Variants in DNAH6 observed in about 807,000 individuals in gnomAD.
DNAH6 encodes the protein axonemal beta dynein heavy chain 6.
DNAH6 carries 340 observed loss-of-function variants against 491.4 expected under a neutral mutation model. That is an observed-to-expected ratio of 0.69 (90% CI 0.63 to 0.76). The LOEUF (loss-of-function observed/expected upper bound fraction) is 0.76. Among genes scored for constraint, DNAH6 ranks in the 30% least tolerant of loss-of-function variants. The pLI, the probability that DNAH6 is intolerant of heterozygous loss-of-function variation, is 0.00. For missense variants in DNAH6, 4,443 were observed against 4,972.2 expected, an observed-to-expected ratio of 0.89 and a Z score of 3.20; for synonymous variants, 1,603 against 1,686.1, an observed-to-expected ratio of 0.95 and a Z score of 1.21.
In DNAH6 at chr2:84,694,481, G is replaced by C; in HGVS notation, c.7524+1G>C. The C allele has an allele frequency of 6.5e-7, 1 of 1,550,336 alleles. No homozygotes were observed. Among genetic ancestry groups the C allele is most frequent in the Non-Finnish European group, 8.7e-7 (1 of 1,145,706 alleles). On this transcript the variant is annotated splice_donor_variant, in intron 46 of 76. Transcript: ENST00000389394. LOFTEE classifies it high-confidence loss of function. ...GGTTTTCCTTTTCACTGACACCCAG[G>C]TGTGTGTTTAAATAGCCCATGGGTG...
chr2:84,624,231 G>C, intron 26 of DNAH6, 34 bp from the exon 27 acceptor site: 1 of 1,516,230 alleles, frequency 6.6e-7, no homozygotes, highest in Non-Finnish European at 8.8e-7. Context: ...GCTGATATTG[G>C]AAAATTCACC....
intron 22 of DNAH6, among the ~76,000 whole-genome samples, chr2:84,612,055 T>A (rs569340633): frequency 1.3e-5 from 2 of 152,188 alleles, no homozygotes; most frequent in South Asian, 2.1e-4. Flanking sequence ...GGACTTTTTT[T>A]TATTATTATT....
intron 66 of DNAH6, among the ~76,000 whole-genome samples, chr2:84,785,147 A>T (rs1329678175): frequency 6.6e-6 from 1 of 152,214 alleles, no homozygotes; most frequent in Non-Finnish European, 1.5e-5. Flanking sequence ...CCATACTAGT[A>T]TGGCTGCTGG....
At chr2:84,599,029 C>CAAA (rs35322585) in intron 18 of DNAH6, among the ~76,000 whole-genome samples, 25 of 118,234 alleles carry the variant, frequency 2.1e-4, no homozygotes, top group African/African-American at 7.2e-4. Context: ...GACTCAGTTT[C>CAAA]AAAAAAAAAA....
intron 61 of DNAH6, among the ~76,000 whole-genome samples, chr2:84,731,282 G>A (rs997072027): frequency 9.9e-5 from 15 of 152,166 alleles, no homozygotes; most frequent in Non-Finnish European, 1.9e-4. Context: ...CAAGACAGCA[G>A]CATTTCTCAT....
At chr2:84,693,557 G>A (rs549836924) in intron 45 of DNAH6, among the ~76,000 whole-genome samples, 1 of 151,924 alleles carries the variant, frequency 6.6e-6, no homozygotes, top group South Asian at 2.1e-4. Flanking sequence ...TCCTGGCTAA[G>A]ACGGTGAAAC....
chr2:84,668,547 T>C (rs1456516612), intron 37 of DNAH6, among the ~76,000 whole-genome samples: 1 of 152,156 alleles, frequency 6.6e-6, no homozygotes, highest in African/African-American at 2.4e-5. Context: ...TTGATCCATC[T>C]GTATTTCCAG....
At chr2:84,680,834 A>C (rs1395997984) in intron 41 of DNAH6, among the ~76,000 whole-genome samples, 1 of 152,202 alleles carries the variant, frequency 6.6e-6, no homozygotes, top group Non-Finnish European at 1.5e-5. Flanking sequence ...TTTGCAGGAC[A>C]GAAAATGGGA....
Position 84,737,098 on chromosome 2 carries a change from G to T in DNAH6, c.10342+3519G>T, listed in dbSNP as rs554400429. Among the ~76,000 whole-genome samples, 8 of 152,118 alleles carry T rather than the reference G, an allele frequency of 5.3e-5. No homozygotes were observed. In the East Asian group the frequency reaches 1.5e-3, roughly 29 times the overall value. On this transcript the variant is annotated intron_variant, in intron 62 of 76. Coordinates refer to ENST00000389394, the MANE Select transcript of DNAH6 (RefSeq NM_001370.2). Reference sequence around the variant, plus strand: ...CTATTGAGGTGATCATATGGTTTTTGATTTTAGTCCTGTTTATGAGGTGAA... The same window carrying T: ...CTATTGAGGTGATCATATGGTTTTTTATTTTAGTCCTGTTTATGAGGTGAA...
At chr2:84,802,750 G>T (rs1234375820) in intron 70 of DNAH6, among the ~76,000 whole-genome samples, 1 of 152,068 alleles carries the variant, frequency 6.6e-6, no homozygotes, top group African/African-American at 2.4e-5. Context: ...AATAACCAAA[G>T]AATATACAGT....
chr2:84,691,960 C>G (rs1694903778), intron 45 of DNAH6, among the ~76,000 whole-genome samples: 2 of 152,184 alleles, frequency 1.3e-5, no homozygotes, highest in African/African-American at 4.8e-5. Flanking sequence ...GTCTGAGGAG[C>G]AGGAGAGGGT....
At chr2:84,511,214 G>A in the DNAH6 span, among the ~76,000 whole-genome samples, 9 of 152,174 alleles carry the variant, frequency 5.9e-5, no homozygotes, top group Non-Finnish European at 1.5e-5. Flanking sequence ...ACTGCGGTGG[G>A]CTCCACCCAG....
chr2:84,684,416 T>A (rs1399433692), intron 42 of DNAH6, among the ~76,000 whole-genome samples: 1 of 152,246 alleles, frequency 6.6e-6, no homozygotes, highest in East Asian at 1.9e-4. Flanking sequence ...AATTCCAATG[T>A]TGAATCTCTT....
the DNAH6 span, among the ~76,000 whole-genome samples, chr2:84,510,723 T>G: frequency 2.0e-5 from 3 of 152,168 alleles, no homozygotes; most frequent in Non-Finnish European, 4.4e-5. Flanking sequence ...CTTTGGTCTT[T>G]GATGATGGTG....
the DNAH6 span, among the ~76,000 whole-genome samples, chr2:84,492,631 G>A: frequency 1.3e-5 from 2 of 152,038 alleles, no homozygotes; most frequent in African/African-American, 4.8e-5. Context: ...GGGGTTTTAA[G>A]AAGAAATAAA....
chr2:84,575,816 G>A (rs747201340), intron 12 of DNAH6, among the ~76,000 whole-genome samples: 33 of 152,116 alleles, frequency 2.2e-4, no homozygotes, highest in Admixed American at 1.3e-4. Context: ...CCCAGGAGGC[G>A]GAGCTTGCAG....
chr2:84,664,622 G>C (rs1165134426), intron 37 of DNAH6, among the ~76,000 whole-genome samples: 2 of 152,126 alleles, frequency 1.3e-5, no homozygotes, highest in East Asian at 3.8e-4. Context: ...CCTACAAAGA[G>C]ACTTAGACTC....
chr2:84,525,806 C>CTT, intron 3 of DNAH6, 68 bp downstream of exon 3: 1 of 1,133,012 alleles, frequency 8.8e-7, no homozygotes, highest in Non-Finnish European at 1.2e-6. Context: ...TGCTAGCATA[C>CTT]TTTTAACTCA....
At chr2:84,811,197 C>G (rs1679932878) in intron 72 of DNAH6, among the ~76,000 whole-genome samples, 1 of 152,202 alleles carries the variant, frequency 6.6e-6, no homozygotes, top group African/African-American at 2.4e-5. Context: ...AATGGAAGGA[C>G]ACGTAGCCTT....
Sources: allele counts gnomAD v4.1 joint callset (sites outside exome capture counted in the v4.1 genomes callset), GRCh38; gene constraint gnomAD v4.1.1; transcripts MANE v1.5; gene names NCBI Gene and HGNC (gene_info 2026-07-23, HGNC 2026-07-21).